Variants in MTREX observed in about 807,000 individuals in gnomAD.
The protein encoded by MTREX is Mtr4 exosome RNA helicase, also known as exosome RNA helicase MTR4.
Under a neutral mutation model 135.4 loss-of-function variants are expected in MTREX, and 76 were observed. The observed-to-expected ratio is 0.56, with a 90% confidence interval of 0.47 to 0.68. The LOEUF (loss-of-function observed/expected upper bound fraction) is 0.68. Among genes scored for constraint, MTREX ranks in the 30% least tolerant of loss-of-function variants. MTREX has a pLI of 0.00. For missense variants in MTREX, 920 were observed against 1,262.1 expected, an observed-to-expected ratio of 0.73 and a Z score of 4.11; for synonymous variants, 404 against 401.6, an observed-to-expected ratio of 1.01 and a Z score of -0.07.
In MTREX at chr5:55,414,177, T is replaced by C; in HGVS notation, c.2752-5T>C. On this transcript the variant is annotated splice_region_variant and splice_polypyrimidine_tract_variant and intron_variant, in intron 23 of 26. Transcript: ENST00000230640. ...TTTATATCTTGTTTTCCTTTTCTTT[T>C]ATAGTCTAGTGAGATGCCCAAATTA... 1.3e-6 allele frequency: 2 copies of C among 1,552,220 alleles called. No homozygotes were observed. The highest frequency in any genetic ancestry group is 1.4e-5 in the African/African-American group (1 of 71,760).
chr5:55,358,107 C>T (rs1385164888), intron 14 of MTREX, among the ~76,000 whole-genome samples: 1 of 152,046 alleles, frequency 6.6e-6, no homozygotes, highest in Non-Finnish European at 1.5e-5. Context: ...GAGGCTGAGG[C>T]GGGCAGATCA....
intron 21 of MTREX, among the ~76,000 whole-genome samples, chr5:55,402,933 A>T (rs1261069505): frequency 6.7e-6 from 1 of 150,340 alleles, no homozygotes; most frequent in Non-Finnish European, 1.5e-5. Flanking sequence ...ACAGTGGCTT[A>T]CTCCTGTAAT....
At chr5:55,338,660 C>A (rs1203343271) in intron 5 of MTREX, among the ~76,000 whole-genome samples, 1 of 147,882 alleles carries the variant, frequency 6.8e-6, no homozygotes, top group Non-Finnish European at 1.5e-5. Flanking sequence ...ATTTATTTTT[C>A]TCTTTAGATT....
intron 1 of MTREX, among the ~76,000 whole-genome samples, chr5:55,310,089 T>C (rs1162709328): frequency 6.6e-6 from 1 of 152,374 alleles, no homozygotes; most frequent in East Asian, 1.9e-4. Flanking sequence ...GTATATACTT[T>C]ACCTCAAATT....
intron 23 of MTREX, among the ~76,000 whole-genome samples, chr5:55,411,486 C>T (rs758158559): frequency 4.0e-5 from 6 of 150,740 alleles, no homozygotes; most frequent in Non-Finnish European, 7.4e-5. Context: ...GCAAGATGTC[C>T]GTATATGCAG....
intron 25 of MTREX, among the ~76,000 whole-genome samples, chr5:55,421,576 G>A (rs550788100): frequency 4.1e-4 from 62 of 152,274 alleles, no homozygotes; most frequent in African/African-American, 1.5e-3. Flanking sequence ...TACTTCGTAT[G>A]GTTTGGTCTC....
intron 1 of MTREX, among the ~76,000 whole-genome samples, chr5:55,318,418 A>G (rs1300313489): frequency 1.3e-5 from 2 of 152,218 alleles, no homozygotes; most frequent in African/African-American, 4.8e-5. Context: ...GTACGTATAC[A>G]CCATGAAATA....
intron 15 of MTREX, among the ~76,000 whole-genome samples, chr5:55,360,515 T>G (rs1271158022): frequency 6.6e-6 from 1 of 152,170 alleles, no homozygotes; most frequent in Non-Finnish European, 1.5e-5. Context: ...TGTAACCTTT[T>G]GAGGAACTGC....
At chr5:55,392,465 C>A (rs185825451) in intron 19 of MTREX, among the ~76,000 whole-genome samples, 1 of 150,128 alleles carries the variant, frequency 6.7e-6, no homozygotes, top group East Asian at 2.0e-4. Context: ...CTTACTTGAA[C>A]CCAGGAGGTA....
intron 9 of MTREX, 101 bp downstream of exon 9, chr5:55,344,721 A>G (rs1260298527): frequency 1.1e-5 from 7 of 664,986 alleles, no homozygotes; most frequent in Non-Finnish European, 1.2e-5. Context: ...AGAATGGAAA[A>G]GATACATTTG....
At chr5:55,317,838 A>G (rs1450780444) in intron 1 of MTREX, among the ~76,000 whole-genome samples, 1 of 152,226 alleles carries the variant, frequency 6.6e-6, no homozygotes, top group Non-Finnish European at 1.5e-5. Flanking sequence ...GAGTAAACAG[A>G]CAACCCACAG....
intron 20 of MTREX, among the ~76,000 whole-genome samples, chr5:55,399,792 G>C (rs1308743692): frequency 1.3e-5 from 2 of 152,046 alleles, no homozygotes; most frequent in Non-Finnish European, 1.5e-5. Flanking sequence ...TGGCCCTCAG[G>C]ACTTTTTAAA....
At chr5:55,405,399 T>G in intron 21 of MTREX, 26 bp from the exon 22 acceptor site, 2 of 1,581,496 alleles carry the variant, frequency 1.3e-6, no homozygotes, top group South Asian at 2.3e-5. Context: ...ATTATTGAAC[T>G]TTCTTTATAC....
intron 7 of MTREX, among the ~76,000 whole-genome samples, chr5:55,343,074 T>C (rs1036440162): frequency 6.6e-6 from 1 of 152,188 alleles, no homozygotes; most frequent in African/African-American, 2.4e-5. Flanking sequence ...TTAGGTTGTT[T>C]GGAAAGATTA....
intron 10 of MTREX, among the ~76,000 whole-genome samples, chr5:55,345,842 A>G (rs1010232195): frequency 6.6e-6 from 1 of 151,556 alleles, no homozygotes; most frequent in African/African-American, 2.4e-5. Context: ...TAATTTTTGT[A>G]TTTTTAGTAG....
chr5:55,380,860 G>A (rs1272838507), intron 18 of MTREX, among the ~76,000 whole-genome samples: 1 of 152,080 alleles, frequency 6.6e-6, no homozygotes, highest in Non-Finnish European at 1.5e-5. Context: ...CCATTTTTTG[G>A]AAGAGGTTTT....
intron 1 of MTREX, among the ~76,000 whole-genome samples, chr5:55,309,231 A>G (rs1749058653): frequency 6.6e-6 from 1 of 152,204 alleles, no homozygotes; most frequent in African/African-American, 2.4e-5. Context: ...GACTGGGAAT[A>G]TACATTGATT....
At chr5:55,310,273 G>C (rs1445222116) in intron 1 of MTREX, among the ~76,000 whole-genome samples, 4 of 152,162 alleles carry the variant, frequency 2.6e-5, no homozygotes, top group Admixed American at 6.5e-5. Context: ...AAAGGGTTTT[G>C]TTTACTACCA....
At chr5:55,378,165 A>C (rs567219672) in intron 16 of MTREX, 149 bp from the exon 17 acceptor site, 35 of 861,430 alleles carry the variant, frequency 4.1e-5, no homozygotes, top group Non-Finnish European at 5.2e-5. Context: ...TTTTGGATAG[A>C]TGAACACATA....
Sources: allele counts gnomAD v4.1 joint callset (sites outside exome capture counted in the v4.1 genomes callset), GRCh38; gene constraint gnomAD v4.1.1; transcripts MANE v1.5; gene names NCBI Gene and HGNC (gene_info 2026-07-23, HGNC 2026-07-21).